CDH12: variants seen among roughly 807,000 people sequenced by gnomAD.
The protein encoded by CDH12 is cadherin-12.
A neutral mutation model predicts 74.1 loss-of-function variants in CDH12; 41 were observed. That is an observed-to-expected ratio of 0.55 (90% CI 0.43 to 0.72). CDH12 has a LOEUF of 0.72. Among genes scored for constraint, CDH12 ranks in the 30% least tolerant of loss-of-function variants. The probability of loss-of-function intolerance (pLI) is 0.00; values close to 1 mark genes in which losing one functional copy is unlikely to be tolerated. For missense variants in CDH12, 945 were observed against 977.2 expected, an observed-to-expected ratio of 0.97 and a Z score of 0.44; for synonymous variants, 399 against 355.0, an observed-to-expected ratio of 1.12 and a Z score of -1.39.
chr5:22,482,546 T>C (rs1283068785), intron 2 of CDH12, among the ~76,000 whole-genome samples: 1 of 152,188 alleles, frequency 6.6e-6, no homozygotes. Flanking sequence ...ATATTCTTCT[T>C]ATAAAACCAT....
At chr5:22,418,126 A>G (rs145647151) in intron 2 of CDH12, among the ~76,000 whole-genome samples, 1,840 of 152,120 alleles carry the variant, frequency 0.012, 38 homozygotes, top group African/African-American at 0.041. Flanking sequence ...TTTCCTTGAG[A>G]GGTGGTTTGT....
chr5:21,895,115 C>T (rs1472602887), intron 6 of CDH12, among the ~76,000 whole-genome samples: 2 of 151,726 alleles, frequency 1.3e-5, no homozygotes, highest in African/African-American at 4.8e-5. Flanking sequence ...GCTGCGCTCA[C>T]TATAAAGGGA....
At chr5:22,589,711 C>G (rs1740585586) in intron 1 of CDH12, among the ~76,000 whole-genome samples, 1 of 152,166 alleles carries the variant, frequency 6.6e-6, no homozygotes, top group East Asian at 1.9e-4. Context: ...TAGTTTTCCT[C>G]TTTCTCTTCC....
At chr5:21,990,407 C>T (rs2547641) in intron 5 of CDH12, among the ~76,000 whole-genome samples, 6 of 151,942 alleles carry the variant, frequency 3.9e-5, no homozygotes, top group Admixed American at 1.3e-4. Flanking sequence ...ATTACATTTG[C>T]GTTATTGTGT....
Position 22,815,460 on chromosome 5 carries a change from G to A in CDH12, c.-523+37598C>T, listed in dbSNP as rs1322882620. On this transcript the variant is annotated intron_variant, in intron 1 of 14. Coordinates refer to ENST00000382254, the MANE Select transcript of CDH12 (RefSeq NM_004061.5). ...TAATGCATATTAGAAAAGTGGAAAT[G>A]GAGAGATCTATAGAAATAGAATACA... Among the ~76,000 whole-genome samples, 4 of 152,076 alleles carry A rather than the reference G, an allele frequency of 2.6e-5. No individual in the cohort carries two copies. In the East Asian group the frequency reaches 7.7e-4, roughly 29 times the overall value.
At chr5:22,376,263 G>A (rs536215800) in intron 3 of CDH12, among the ~76,000 whole-genome samples, 109 of 152,128 alleles carry the variant, frequency 7.2e-4, no homozygotes, top group African/African-American at 2.1e-3. Context: ...TCATGGAGAC[G>A]GAGAATAGAA....
intron 6 of CDH12, among the ~76,000 whole-genome samples, chr5:21,867,459 C>T (rs1751390714): frequency 6.6e-6 from 1 of 152,074 alleles, no homozygotes; most frequent in Non-Finnish European, 1.5e-5. Flanking sequence ...GGCTGCCAAA[C>T]ACCAGGGCGG....
intron 11 of CDH12, among the ~76,000 whole-genome samples, chr5:21,782,939 T>C (rs948124688): frequency 1.3e-5 from 2 of 152,202 alleles, no homozygotes; most frequent in African/African-American, 4.8e-5. Context: ...AAGGAAGATG[T>C]ATGAGTTTTT....
chr5:21,835,996 T>C (rs1461840984), intron 8 of CDH12, among the ~76,000 whole-genome samples: 8 of 151,770 alleles, frequency 5.3e-5, no homozygotes, highest in African/African-American at 1.9e-4. Context: ...TATGTGTACA[T>C]ATATACACGT....
intron 14 of CDH12, among the ~76,000 whole-genome samples, chr5:21,752,484 G>T (rs919792842): frequency 1.3e-5 from 2 of 152,058 alleles, no homozygotes; most frequent in Non-Finnish European, 2.9e-5. Context: ...AAGTATTTTA[G>T]GGTCTGGTAA....
intron 2 of CDH12, among the ~76,000 whole-genome samples, chr5:22,453,614 T>C (rs1022899459): frequency 6.6e-6 from 1 of 152,214 alleles, no homozygotes; most frequent in African/African-American, 2.4e-5. Context: ...GGTTGGTTAA[T>C]AGGTACAAAG....
Position 22,849,086 on chromosome 5 carries a change from C to T in CDH12, c.-523+3972G>A, listed in dbSNP as rs192952779. 2.6e-5 allele frequency among the ~76,000 whole-genome samples: 4 copies of T among 152,204 alleles called. No homozygotes were observed. In the East Asian group the frequency reaches 7.7e-4, roughly 29 times the overall value. On this transcript the variant is annotated intron_variant, in intron 1 of 14. Coordinates refer to ENST00000382254, the MANE Select transcript of CDH12 (RefSeq NM_004061.5). Reference sequence around the variant, plus strand: ...CTGGACATTACATATTTTCTTCCAACCCCATGTTCCAGCTGTGGCTGTAGT... The same window carrying T: ...CTGGACATTACATATTTTCTTCCAATCCCATGTTCCAGCTGTGGCTGTAGT...
At chr5:22,045,442 T>C (rs1739871355) in intron 5 of CDH12, among the ~76,000 whole-genome samples, 1 of 152,016 alleles carries the variant, frequency 6.6e-6, no homozygotes, top group Non-Finnish European at 1.5e-5. Flanking sequence ...TGGGTACATA[T>C]CCAAAGAAAA....
intron 1 of CDH12, among the ~76,000 whole-genome samples, chr5:22,683,968 G>A (rs183566976): frequency 8.7e-4 from 132 of 152,232 alleles, no homozygotes; most frequent in Middle Eastern, 3.4e-3. Flanking sequence ...CTTTGTTAAC[G>A]TAAAGTCAAT....
rs1320740484 is a variant in CDH12 at position 21,755,630 on chromosome 5, C to A, written c.1846G>T (p.Ala616Ser). The change falls in exon 14 of 15, where the codon GCG becomes TCG. Residue 616 changes from alanine to serine, a missense_variant. This residue lies in a region of CDH12 where 791 missense variants were observed against 792.8 expected (regional missense o/e 1.00). Transcript: ENST00000382254. ...ATGCATAGTAGAATTGCAATCAACG[C>A]CCCAGTGCTAAGTCCTACAGGTAGA... The part of the protein sequence containing the change: ...IFLPVGLSTG[A>S]LIAILLCIVI... 6.2e-7 allele frequency: 1 copy of A among 1,613,884 alleles called. No individual in the cohort carries two copies.
chr5:22,515,601 A>C (rs1736775940), intron 1 of CDH12, among the ~76,000 whole-genome samples: 1 of 152,104 alleles, frequency 6.6e-6, no homozygotes, highest in Admixed American at 6.5e-5. Context: ...ACACACACAT[A>C]CACAAACTCA....
chr5:22,255,600 G>T (rs1289279103), intron 3 of CDH12, among the ~76,000 whole-genome samples: 2 of 151,408 alleles, frequency 1.3e-5, no homozygotes, highest in African/African-American at 4.8e-5. Context: ...ATTTAAGTTT[G>T]TTACATTTTT....
At chr5:22,010,635 C>T (rs892694034) in intron 5 of CDH12, among the ~76,000 whole-genome samples, 1 of 152,066 alleles carries the variant, frequency 6.6e-6, no homozygotes, top group African/African-American at 2.4e-5. Context: ...CTGGTTTATC[C>T]ATTCATGGGT....
chr5:22,567,201 C>A (rs1381404949), intron 1 of CDH12, among the ~76,000 whole-genome samples: 1 of 152,066 alleles, frequency 6.6e-6, no homozygotes, highest in Non-Finnish European at 1.5e-5. Flanking sequence ...CAGTTCACAC[C>A]ATTATCCCAA....
Sources: allele counts gnomAD v4.1 joint callset (sites outside exome capture counted in the v4.1 genomes callset), GRCh38; gene constraint gnomAD v4.1.1; regional missense constraint gnomAD v4.1.1; transcripts MANE v1.5; gene names NCBI Gene and HGNC (gene_info 2026-07-23, HGNC 2026-07-21).